The following TASOR variants were observed in gnomAD, a reference collection of about 807,000 sequenced individuals.
TASOR encodes protein TASOR.
TASOR carries 53 observed loss-of-function variants against 178.6 expected under a neutral mutation model. That is an observed-to-expected ratio of 0.30 (90% confidence interval 0.24 to 0.37). The LOEUF is 0.37. TASOR is among the 10% of genes least tolerant of loss of function. The pLI is 1.00. For synonymous variants in TASOR, 713 were observed against 696.2 expected (o/e 1.02, Z -0.38); for missense variants, 1,815 against 1,971.4 (o/e 0.92, Z 1.50).
At chr3:56,652,777 T>TA (rs1279822077) in intron 11 of TASOR, among the ~76,000 whole-genome samples, 1 of 151,958 alleles carries the variant, frequency 6.6e-6, no homozygotes, top group African/African-American at 2.4e-5. Context: ...CTTTTAAAAA[T>TA]AAAAAACATT....
chr3:56,633,718 A>G lies in TASOR; in HGVS notation c.3073T>C (p.Tyr1025His). 6.2e-7 allele frequency: 1 copy of G among 1,613,962 alleles called. No homozygotes were observed. Among genetic ancestry groups the G allele is most frequent in the Non-Finnish European group, 8.5e-7 (1 of 1,179,982 alleles). The change falls in exon 18 of 24, where the codon TAC (tyrosine) becomes CAC (histidine). Residue 1025 changes from tyrosine to histidine, a missense_variant. Around this residue, in one of 5 missense-constraint regions of TASOR, gnomAD observed 655 missense variants for 671.1 expected, o/e 0.98. Transcript: ENST00000683822. ...ETTERTVLGE[Y>H]NLFSRKIEEI... ...TCTATCTTCCTAGAAAAGAGATTGT[A>G]CTCTCCTAACACTGTCCTCTCTGTG...
chr3:56,671,758 ATT>A, intron 2 of TASOR, 66 bp from the exon 3 acceptor site: 1 of 1,262,938 alleles, frequency 7.9e-7, no homozygotes, highest in Non-Finnish European at 1.1e-6. Flanking sequence ...TACAAGTTTT[ATT>A]TTTTTTTCCA....
intron 11 of TASOR, among the ~76,000 whole-genome samples, chr3:56,658,415 A>G (rs994853592): frequency 3.3e-5 from 5 of 152,202 alleles, no homozygotes; most frequent in Admixed American, 1.3e-4. Context: ...CGAATTCTCA[A>G]TACTCACTCT....
chr3:56,620,399 C>CTGAT lies in TASOR; in HGVS notation c.*2634_*2637dup, dbSNP rs1355503798. 1 of 153,126 alleles carries CTGAT rather than the reference C, an allele frequency of 6.5e-6. No homozygotes were observed. Among genetic ancestry groups the CTGAT allele is most frequent in the African/African-American group, 2.4e-5 (1 of 41,462 alleles). 9.5% of individuals were successfully genotyped at this position (153,126 alleles called of 1,614,324 possible). A position where few individuals can be genotyped will look rare whatever the true frequency, so the allele number is the denominator to read the frequency against. ...AACTATTGTGACTTCTTTTTGCTCTCTGATTAAAACAAACAGGTAACATCC... is the reference window on the plus strand; with the variant it reads ...AACTATTGTGACTTCTTTTTGCTCTCTGATTGATTAAAACAAACAGGTAACATCC... On this transcript the variant is annotated 3_prime_UTR_variant, in exon 24 of 24. Coordinates refer to ENST00000683822, the MANE Select transcript of TASOR (RefSeq NM_001365635.2).
At chr3:56,641,239 G>T (rs945385603) in intron 15 of TASOR, 110 bp downstream of exon 15, 10 of 1,091,098 alleles carry the variant, frequency 9.2e-6, no homozygotes, top group African/African-American at 1.6e-5. Flanking sequence ...ACTCAAAAGT[G>T]CATTTTATTT....
At chr3:56,670,582 C>A (rs903297530) in intron 3 of TASOR, among the ~76,000 whole-genome samples, 1 of 152,098 alleles carries the variant, frequency 6.6e-6, no homozygotes, top group Non-Finnish European at 1.5e-5. Flanking sequence ...ATAACCAATT[C>A]TTTTCAAAGA....
intron 2 of TASOR, 23 bp from the exon 3 acceptor site, chr3:56,671,715 C>A: frequency 2.0e-6 from 3 of 1,482,844 alleles, no homozygotes; most frequent in Non-Finnish European, 2.7e-6. Context: ...AAAACTATAA[C>A]AACTACTTAG....
intron 11 of TASOR, among the ~76,000 whole-genome samples, chr3:56,657,354 A>C (rs1199860996): frequency 6.6e-6 from 1 of 151,790 alleles, no homozygotes; most frequent in African/African-American, 2.4e-5. Context: ...AAGTCAATAT[A>C]ATCTTATTTC....
chr3:56,676,498 G>C (rs1291479761), intron 1 of TASOR, among the ~76,000 whole-genome samples: 1 of 152,224 alleles, frequency 6.6e-6, no homozygotes, highest in Non-Finnish European at 1.5e-5. Flanking sequence ...AAAGCAGCAT[G>C]TGGAGGTCTT....
rs1017197410 is a variant in TASOR, at chr3:56,624,621, G to A, written c.4341C>T (p.Ser1447=). ...CCACTATTCCATTATCTGTATAACT[G>A]GAAAGCATCTTGATGTTCTTCTCTA... ...FLTEKNIKML[S]SYTDNGIVVA... is the part of the protein sequence containing the mutation. Residue 1447 remains serine, a synonymous_variant, in exon 23 of 24, where the codon TCC becomes TCT. Coordinates refer to ENST00000683822, the MANE Select transcript of TASOR (RefSeq NM_001365635.2). 6 of 1,612,020 alleles carry A rather than the reference G, an allele frequency of 3.7e-6. No individual in the cohort carries two copies. Among genetic ancestry groups the A allele is most frequent in the Middle Eastern group, 1.7e-4 (1 of 6,052 alleles).
At chr3:56,673,806 G>T in intron 1 of TASOR, 81 bp from the exon 2 acceptor site, 1 of 1,243,840 alleles carries the variant, frequency 8.0e-7, no homozygotes, top group Non-Finnish European at 1.1e-6. Context: ...GTGGGTTAAT[G>T]TAACTTTAAA....
At chr3:56,669,994 G>T in intron 4 of TASOR, 79 bp downstream of exon 4, 1 of 991,918 alleles carries the variant, frequency 1.0e-6, no homozygotes, top group Non-Finnish European at 1.5e-6. Flanking sequence ...AATAACAACT[G>T]CAGTGAAATT....
chr3:56,627,064 A>C lies in TASOR; in HGVS notation c.4112T>G (p.Phe1371Cys), dbSNP rs1435191082. ...GKWQWKVHCK[F>C]QKKLKELGRL... ...GCCTAGTTCCTTTAGTTTCTTCTGA[A>C]ATTTACAGTGGACTTTCCATTGCCA... is the stretch of plus-strand genomic sequence containing the variant. The change falls in exon 21 of 24, where the codon TTT becomes TGT. Residue 1371 changes from phenylalanine to cysteine, a missense_variant. Phe to Cys is a radical substitution (Grantham distance 205). Around this residue, in one of 5 missense-constraint regions of TASOR, gnomAD observed 134 missense variants for 195.2 expected, o/e 0.69. Transcript: ENST00000683822. The C allele has an allele frequency of 2.5e-6, 4 of 1,611,288 alleles. No homozygotes were observed. The highest frequency in any genetic ancestry group is 3.4e-6 in the Non-Finnish European group (4 of 1,178,530).
intron 2 of TASOR, among the ~76,000 whole-genome samples, chr3:56,672,302 T>C (rs2030813198): frequency 6.6e-6 from 1 of 152,226 alleles, no homozygotes; most frequent in South Asian, 2.1e-4. Flanking sequence ...ATAACTAATT[T>C]ATCTTCAGAC....
intron 5 of TASOR, among the ~76,000 whole-genome samples, chr3:56,669,398 G>C (rs2030422966): frequency 6.6e-6 from 1 of 151,968 alleles, no homozygotes; most frequent in Admixed American, 6.6e-5. Context: ...AGCTACTTGG[G>C]AGGTTGAAGC....
chr3:56,623,179 T>C lies in TASOR; in HGVS notation c.4871A>G (p.Tyr1624Cys). The change falls in exon 24 of 24, where the codon TAT becomes TGT. Residue 1624 changes from tyrosine to cysteine, a missense_variant. Coordinates refer to ENST00000683822, the MANE Select transcript of TASOR (RefSeq NM_001365635.2). ...TTGAGACTGACTTGATGAAAGGGCATATGGTGTCCCCAAAAATGTCTGATG... is the reference window on the plus strand; with the variant it reads ...TTGAGACTGACTTGATGAAAGGGCACATGGTGTCCCCAAAAATGTCTGATG... Reference protein sequence around the residue: ...LTHQTFLGTPYALSSSQSQEN... With the variant: ...LTHQTFLGTPCALSSSQSQEN... The C allele has an allele frequency of 6.2e-7, 1 of 1,613,824 alleles. No individual in the cohort carries two copies.
chr3:56,621,762 A>G lies in TASOR; in HGVS notation c.*1275T>C. 2.4e-6 allele frequency: 1 copy of G among 411,728 alleles called. No homozygotes were observed. Among genetic ancestry groups the G allele is most frequent in the Non-Finnish European group, 4.4e-6 (1 of 228,342 alleles). The allele number at this position is 411,728 out of a possible 1,614,324, so 25.5% of individuals were successfully genotyped here. A position where few individuals can be genotyped will look rare whatever the true frequency, so the allele number is the denominator to read the frequency against. On this transcript the variant is annotated 3_prime_UTR_variant, in exon 24 of 24. Coordinates refer to ENST00000683822, the MANE Select transcript of TASOR (RefSeq NM_001365635.2). Reference sequence around the variant, plus strand: ...AAAAACTTGTATACTATGTAGTAAAATGCTGTACTTGTTCTATACAATAAA... The same window carrying G: ...AAAAACTTGTATACTATGTAGTAAAGTGCTGTACTTGTTCTATACAATAAA...
rs2076828867 is a variant in TASOR, at chr3:56,627,736, A to G, written c.3876T>C (p.Pro1292=). ...GGAGCTTCTTTAAAGTCACCAAGCC[A>G]GGTATCTGTTTAAATCCCAAAACAA... ...EDIAGFIHKI[P]GLVTLKKLPC... The change falls in exon 20 of 24, where the codon CCT becomes CCC. Residue 1292 remains proline (P), a synonymous_variant. Coordinates refer to ENST00000683822, the MANE Select transcript of TASOR (RefSeq NM_001365635.2). 1 of 1,613,180 alleles carries G rather than the reference A, an allele frequency of 6.2e-7. No individual in the cohort carries two copies. Among genetic ancestry groups the G allele is most frequent in the Non-Finnish European group, 8.5e-7 (1 of 1,179,784 alleles).
intron 1 of TASOR, among the ~76,000 whole-genome samples, chr3:56,682,072 T>C (rs930936461): frequency 3.3e-5 from 5 of 152,176 alleles, no homozygotes; most frequent in African/African-American, 1.2e-4. Flanking sequence ...ACCTATTTAA[T>C]CTAACGCTTC....
Sources: allele counts gnomAD v4.1 joint callset (sites outside exome capture counted in the v4.1 genomes callset), GRCh38; gene constraint gnomAD v4.1.1; regional missense constraint gnomAD v4.1.1; transcripts MANE v1.5; gene names NCBI Gene and HGNC (gene_info 2026-07-23, HGNC 2026-07-21).